The following RARB variants were observed in gnomAD, a reference collection of about 807,000 sequenced individuals.
RARB encodes HBV-activated protein.
RARB carries 17 observed loss-of-function variants against 51.9 expected under a neutral mutation model. The observed-to-expected ratio is 0.33, with a 90% confidence interval of 0.22 to 0.49. RARB has a LOEUF of 0.49. RARB is among the 20% of genes least tolerant of loss of function. The probability of loss-of-function intolerance (pLI) is 0.99; values close to 1 mark genes in which losing one functional copy is unlikely to be tolerated. For missense variants in RARB, 369 were observed against 550.8 expected (o/e 0.67, Z 3.30); for synonymous variants, 215 against 195.4 (o/e 1.10, Z -0.84).
chr3:25,342,174 C>G (rs1015000811), intron 5 of RARB, among the ~76,000 whole-genome samples: 1 of 152,146 alleles, frequency 6.6e-6, no homozygotes, highest in Non-Finnish European at 1.5e-5. Flanking sequence ...TCAGGAATCA[C>G]GTGAAGTTTG....
chr3:24,914,427 C>T (rs1559394350), intron 2 of RARB, among the ~76,000 whole-genome samples: 1 of 152,062 alleles, frequency 6.6e-6, no homozygotes, highest in Non-Finnish European at 1.5e-5. Flanking sequence ...CCTGCTTGCT[C>T]ATGGGAAGAG....
chr3:25,081,056 C>G (rs1475299691), intron 3 of RARB, among the ~76,000 whole-genome samples: 1 of 151,980 alleles, frequency 6.6e-6, no homozygotes, highest in African/African-American at 2.4e-5. Context: ...ATTTGCTCTT[C>G]TTTGCTCTCT....
chr3:25,345,903 G>A (rs12496273), intron 5 of RARB: 185,536 of 887,426 alleles, frequency 0.21, 21,375 homozygotes, highest in Admixed American at 0.31. Flanking sequence ...TCACATGTCA[G>A]TTTAAAAAAA....
At chr3:25,381,576 G>A (rs1197173147) in intron 5 of RARB, among the ~76,000 whole-genome samples, 3 of 152,220 alleles carry the variant, frequency 2.0e-5, no homozygotes, top group Non-Finnish European at 4.4e-5. Context: ...GTTATCATTT[G>A]CTTTGGTCAC....
In RARB at chr3:25,291,060, G is replaced by A. The variant is rs964274352; in HGVS notation, c.178+116485G>A. 3.3e-5 allele frequency among the ~76,000 whole-genome samples: 5 copies of A among 152,114 alleles called. No individual in the cohort carries two copies. In the South Asian group the frequency reaches 6.2e-4, roughly 19 times the overall value. ...CAACAGATCACTTATGTCATACTTG[G>A]GCAAATCTTTCTGAAATCCCTCAGT... On this transcript the variant is annotated intron_variant, in intron 5 of 11. Transcript: ENST00000383772.
chr3:25,349,185 C>T (rs1022922546), intron 5 of RARB, among the ~76,000 whole-genome samples: 1 of 152,204 alleles, frequency 6.6e-6, no homozygotes, highest in African/African-American at 2.4e-5. Flanking sequence ...TTTGTGAATG[C>T]AGCTGACAGT....
chr3:25,022,501 TA>T (rs1697658931), intron 2 of RARB, among the ~76,000 whole-genome samples: 1 of 152,206 alleles, frequency 6.6e-6, no homozygotes, highest in South Asian at 2.1e-4. Context: ...TTTCTAATTT[TA>T]AAAACTCTGG....
chr3:24,887,779 G>A (rs1319757276), intron 2 of RARB, among the ~76,000 whole-genome samples: 4 of 152,164 alleles, frequency 2.6e-5, no homozygotes, highest in Non-Finnish European at 5.9e-5. Context: ...TCACTTGGGA[G>A]GAAGGCACTA....
intron 4 of RARB, among the ~76,000 whole-genome samples, chr3:25,165,120 C>T (rs1273435663): frequency 6.6e-6 from 1 of 152,006 alleles, no homozygotes. Context: ...AAAAAAAATA[C>T]AAACCAGTTT....
At chr3:25,228,631 T>A (rs1191670481) in intron 5 of RARB, among the ~76,000 whole-genome samples, 1 of 152,100 alleles carries the variant, frequency 6.6e-6, no homozygotes, top group Admixed American at 6.6e-5. Context: ...ATTTACTGAT[T>A]GCCTTAACTT....
At chr3:24,875,816 G>A (rs1559379324) in intron 2 of RARB, among the ~76,000 whole-genome samples, 1 of 151,988 alleles carries the variant, frequency 6.6e-6, no homozygotes, top group South Asian at 2.1e-4. Flanking sequence ...TCCTTTCCCT[G>A]TTTCAGGATA....
chr3:25,281,727 A>G (rs895069321), intron 5 of RARB, among the ~76,000 whole-genome samples: 1 of 152,178 alleles, frequency 6.6e-6, no homozygotes, highest in African/African-American at 2.4e-5. Flanking sequence ...AATGACTGGG[A>G]GTTGATGTGG....
At chr3:24,978,625 G>C (rs993923219) in intron 2 of RARB, among the ~76,000 whole-genome samples, 1 of 151,522 alleles carries the variant, frequency 6.6e-6, no homozygotes, top group African/African-American at 2.4e-5. Context: ...TTTTTATTGC[G>C]TCTATTTGAT....
intron 3 of RARB, among the ~76,000 whole-genome samples, chr3:25,548,970 T>C (rs535501919): frequency 7.9e-5 from 12 of 152,164 alleles, no homozygotes; most frequent in Non-Finnish European, 1.3e-4. Flanking sequence ...TCAAGAGACC[T>C]GACTCACGTT....
chr3:25,538,605 C>G (rs1410995895), intron 3 of RARB, among the ~76,000 whole-genome samples: 1 of 152,168 alleles, frequency 6.6e-6, no homozygotes, highest in Non-Finnish European at 1.5e-5. Context: ...ACTTCAGCAA[C>G]TTGATACTGC....
At chr3:24,985,153 G>A (rs971094838) in intron 2 of RARB, among the ~76,000 whole-genome samples, 5 of 152,094 alleles carry the variant, frequency 3.3e-5, no homozygotes, top group African/African-American at 1.2e-4. Flanking sequence ...CAAAACATTA[G>A]CAGTAATTTT....
rs185488889 is a variant in RARB, at chr3:25,523,273, C to T, written c.448+21950C>T. On this transcript the variant is annotated intron_variant, in intron 3 of 7. Coordinates refer to ENST00000330688, the MANE Select transcript of RARB (RefSeq NM_000965.5). ...TCTCATCTAATGGGGGTAAGAATCA[C>T]ATTCTTATAAATAGAAAGACTTTTT... Among the ~76,000 whole-genome samples, 71 of 152,230 alleles carry T rather than the reference C, an allele frequency of 4.7e-4. 2 individuals carry two copies. Among genetic ancestry groups the T allele is most frequent in the East Asian group, 2.7e-3 (14 of 5,178 alleles).
At chr3:24,995,050 G>A (rs1383621637) in intron 2 of RARB, among the ~76,000 whole-genome samples, 1 of 151,848 alleles carries the variant, frequency 6.6e-6, no homozygotes, top group Non-Finnish European at 1.5e-5. Context: ...TTTAAGAGGG[G>A]TTGCATTGAA....
rs934159652 is a variant in RARB, at chr3:25,328,644, A to G, written c.179-132549A>G. On this transcript the variant is annotated intron_variant, in intron 5 of 11. Coordinates refer to the RARB transcript ENST00000383772. ...AAGACAGGCAATTTTTGCGTTTCCA[A>G]CTGAGGCACCAGGTTCATCTCATTG... 2.6e-5 allele frequency among the ~76,000 whole-genome samples: 4 copies of G among 152,216 alleles called. No individual in the cohort carries two copies. The South Asian group carries it at 6.2e-4, about 24-fold the overall frequency.
Sources: gnomAD v4.1 joint callset for allele counts (sites outside exome capture counted in the v4.1 genomes callset) on GRCh38, gnomAD v4.1.1 for gene constraint, MANE v1.5 for transcripts, NCBI Gene and HGNC (gene_info 2026-07-23, HGNC 2026-07-21) for gene names.